ATF7IP: variants seen among roughly 807,000 people sequenced by gnomAD.
The protein encoded by ATF7IP is activating transcription factor 7 interacting protein.
A neutral mutation model predicts 106.4 loss-of-function variants in ATF7IP; 23 were observed. The ratio of observed to expected loss-of-function variants is 0.22; its 90% CI spans 0.16 to 0.31. ATF7IP has a LOEUF of 0.31. ATF7IP is among the 10% of genes least tolerant of loss of function. ATF7IP has a pLI of 1.00. For synonymous variants in ATF7IP, 542 were observed against 539.0 expected (o/e 1.01, Z -0.08); for missense variants, 1,334 against 1,524.3 (o/e 0.88, Z 2.08).
intron 8 of ATF7IP, among the ~76,000 whole-genome samples, chr12:14,458,654 C>T (rs1005638724): frequency 6.6e-6 from 1 of 152,060 alleles, no homozygotes; most frequent in African/African-American, 2.4e-5. Flanking sequence ...GAAACTCTCT[C>T]TCTACAAAAA....
Position 14,460,761 on chromosome 12 carries a change from C to A in ATF7IP, c.2425C>A (p.Gln809Lys). The change falls in exon 9 of 15, where the codon CAA becomes AAA. Residue 809 changes from glutamine (Q) to lysine (K), a missense_variant. Coordinates refer to ENST00000261168, the MANE Select transcript of ATF7IP (RefSeq NM_018179.5). Reference sequence around the variant, plus strand: ...CCATCCAGGGACTTTGGTGACTAATCAACCATCTGGCAATGTTGAATTCAT... The same window carrying A: ...CCATCCAGGGACTTTGGTGACTAATAAACCATCTGGCAATGTTGAATTCAT... ...QSHPGTLVTN[Q>K]PSGNVEFISV... 1 of 1,614,222 alleles carries A rather than the reference C, an allele frequency of 6.2e-7. No homozygotes were observed. The highest frequency in any genetic ancestry group is 8.5e-7 in the Non-Finnish European group (1 of 1,180,036).
chr12:14,403,127 T>C (rs1417699281), intron 1 of ATF7IP, among the ~76,000 whole-genome samples: 1 of 152,178 alleles, frequency 6.6e-6, no homozygotes, highest in East Asian at 1.9e-4. Flanking sequence ...GCTAAAGGAA[T>C]GATTTTTATG....
intron 1 of ATF7IP, among the ~76,000 whole-genome samples, chr12:14,399,090 T>C (rs1215226572): frequency 6.6e-6 from 1 of 152,182 alleles, no homozygotes; most frequent in Non-Finnish European, 1.5e-5. Context: ...TCCTCAGTTA[T>C]TTCAGCCTGC....
chr12:14,367,801 TTAA>T (rs1938368972), intron 1 of ATF7IP, among the ~76,000 whole-genome samples: 2 of 152,080 alleles, frequency 1.3e-5, no homozygotes, highest in Non-Finnish European at 1.5e-5. Context: ...TCATGTAAAC[TTAA>T]TAAGATTAAT....
At chr12:14,466,630 A>G (rs1020049513) in intron 10 of ATF7IP, 40 bp downstream of exon 10, 1 of 1,434,772 alleles carries the variant, frequency 7.0e-7, no homozygotes, top group African/African-American at 1.4e-5. Context: ...AATCCTAATT[A>G]TGGTCCACAG....
intron 1 of ATF7IP, among the ~76,000 whole-genome samples, chr12:14,377,834 G>A (rs1012451340): frequency 2.7e-5 from 4 of 150,918 alleles, no homozygotes; most frequent in African/African-American, 9.7e-5. Flanking sequence ...GGCTGGTCTC[G>A]AGCTCCTGAC....
At chr12:14,497,032 C>T (rs1021507207) in intron 14 of ATF7IP, among the ~76,000 whole-genome samples, 1 of 152,104 alleles carries the variant, frequency 6.6e-6, no homozygotes, top group Non-Finnish European at 1.5e-5. Context: ...TCCATACGTC[C>T]CCTCACTTTA....
chr12:14,481,426 A>C (rs1238621864), intron 13 of ATF7IP: 2 of 546,184 alleles, frequency 3.7e-6, no homozygotes, highest in Non-Finnish European at 6.4e-6. Flanking sequence ...ACCACACACA[A>C]AAAAGGTAAG....
chr12:14,469,595 T>G (rs1161604220), intron 10 of ATF7IP, among the ~76,000 whole-genome samples: 8 of 152,114 alleles, frequency 5.3e-5, no homozygotes, highest in African/African-American at 1.4e-4. Flanking sequence ...GAAAAACAAA[T>G]TTATTCAAAT....
intron 5 of ATF7IP, among the ~76,000 whole-genome samples, chr12:14,442,972 T>C (rs1591871276): frequency 6.6e-6 from 1 of 152,044 alleles, no homozygotes; most frequent in Non-Finnish European, 1.5e-5. Context: ...CTGGCCAACA[T>C]AGTGAAACCT....
Position 14,424,427 on chromosome 12 carries a change from C to T in ATF7IP, c.512C>T (p.Ser171Phe). ...GAGCCCTCCTCTAGTGATGCTGCCT[C>T]TGGTGATGCAACCTCTGGTGATGCC... ...SSEPSSSDAASGDATSGDAPS... is the reference protein window; with the variant it reads ...SSEPSSSDAAFGDATSGDAPS... The change falls in exon 2 of 15, where the codon TCT becomes TTT. Residue 171 changes from serine (S) to phenylalanine (F), a missense_variant. Physicochemically the swap from Ser to Phe is radical, Grantham distance 155 (BLOSUM62 -2). Coordinates refer to ENST00000261168, the MANE Select transcript of ATF7IP (RefSeq NM_018179.5). The T allele has an allele frequency of 2.5e-6, 4 of 1,613,748 alleles. No homozygotes were observed. Among genetic ancestry groups the T allele is most frequent in the Non-Finnish European group, 3.4e-6 (4 of 1,179,838 alleles).
At chr12:14,415,851 C>G (rs544611963) in intron 1 of ATF7IP, among the ~76,000 whole-genome samples, 4 of 152,078 alleles carry the variant, frequency 2.6e-5, no homozygotes, top group Non-Finnish European at 5.9e-5. Context: ...AAGTATACAG[C>G]AATATGTGCA....
intron 1 of ATF7IP, among the ~76,000 whole-genome samples, chr12:14,405,498 T>G (rs1940528521): frequency 7.1e-6 from 1 of 141,488 alleles, no homozygotes; most frequent in Non-Finnish European, 1.5e-5. Context: ...CACTATGACC[T>G]TGACCTCTCA....
intron 1 of ATF7IP, among the ~76,000 whole-genome samples, chr12:14,418,335 T>C (rs185862651): frequency 6.6e-6 from 1 of 152,314 alleles, no homozygotes; most frequent in East Asian, 1.9e-4. Flanking sequence ...AACTAGTTCA[T>C]CATGTTTTGC....
intron 13 of ATF7IP, among the ~76,000 whole-genome samples, chr12:14,492,156 A>G (rs894862926): frequency 6.6e-6 from 1 of 152,174 alleles, no homozygotes; most frequent in African/African-American, 2.4e-5. Context: ...GGAAATGACC[A>G]CAGGATGAAT....
intron 1 of ATF7IP, among the ~76,000 whole-genome samples, chr12:14,407,029 G>A (rs959645972): frequency 2.6e-5 from 4 of 152,088 alleles, no homozygotes; most frequent in African/African-American, 9.7e-5. Flanking sequence ...ACTTAAAATG[G>A]TTCTGTGTTC....
chr12:14,390,197 C>T (rs1939468003), intron 1 of ATF7IP, among the ~76,000 whole-genome samples: 1 of 152,176 alleles, frequency 6.6e-6, no homozygotes, highest in Non-Finnish European at 1.5e-5. Context: ...TAAAATATAA[C>T]TTCTAACCCA....
At chr12:14,460,053 A>C (rs1171298615) in intron 8 of ATF7IP, among the ~76,000 whole-genome samples, 2 of 152,166 alleles carry the variant, frequency 1.3e-5, no homozygotes, top group African/African-American at 4.8e-5. Context: ...CCTGTTATTC[A>C]TTAATGGTCA....
intron 11 of ATF7IP, among the ~76,000 whole-genome samples, chr12:14,477,542 T>C (rs1944301011): frequency 6.6e-6 from 1 of 152,252 alleles, no homozygotes; most frequent in Non-Finnish European, 1.5e-5. Flanking sequence ...TTGTTTTCAG[T>C]GCTCTCACCA....
Sources: allele counts gnomAD v4.1 joint callset (sites outside exome capture counted in the v4.1 genomes callset), GRCh38; gene constraint gnomAD v4.1.1; transcripts MANE v1.5; gene names NCBI Gene and HGNC (gene_info 2026-07-23, HGNC 2026-07-21).